The following CEP83 variants were observed in gnomAD, a reference collection of about 807,000 sequenced individuals.
CEP83 encodes centrosomal protein 83.
CEP83 carries 70 observed loss-of-function variants against 101.9 expected under a neutral mutation model. The observed-to-expected ratio is 0.69, with a 90% CI of 0.57 to 0.84. The LOEUF is 0.84. Ranked by LOEUF, CEP83 falls within the 40% of genes least tolerant of loss-of-function variation. The pLI is 0.00. For synonymous variants in CEP83, 264 were observed against 267.9 expected, an observed-to-expected ratio of 0.99 and a Z score of 0.14; for missense variants, 715 against 787.2, an observed-to-expected ratio of 0.91 and a Z score of 1.10.
intron 2 of CEP83, among the ~76,000 whole-genome samples, chr12:94,432,939 G>C (rs1045316816): frequency 6.6e-6 from 1 of 152,154 alleles, no homozygotes; most frequent in Admixed American, 6.5e-5. Flanking sequence ...TAGTATGAAT[G>C]GACAAGGGAG....
chr12:94,429,801 G>C (rs921914132), intron 2 of CEP83, among the ~76,000 whole-genome samples: 1 of 152,164 alleles, frequency 6.6e-6, no homozygotes, highest in Non-Finnish European at 1.5e-5. Flanking sequence ...TAAAATGTGA[G>C]TGAAACACAG....
At chr12:94,302,745 G>GTCAAC (rs1290262862), downstream of CEP83, among the ~76,000 whole-genome samples, 1 of 152,108 alleles carries the variant, frequency 6.6e-6, no homozygotes, top group Non-Finnish European at 1.5e-5. Context: ...AACTCTTTCT[G>GTCAAC]TCAACTACTG....
intron 1 of CEP83, among the ~76,000 whole-genome samples, chr12:94,442,647 CTT>C (rs1270171993): frequency 1.3e-5 from 2 of 152,084 alleles, no homozygotes. Context: ...GATAATCTGT[CTT>C]TTGTTATAGG....
rs565777816 is a variant in CEP83, at chr12:94,331,063, G to A, written c.1707+637C>T. The stretch of plus-strand genomic sequence containing the variant: ...TCCCAGCACTTTGGGAGGCTGAGGT[G>A]GGAGGATCACTTGAGGTCAGGAGTT... On this transcript the variant is annotated intron_variant, in intron 14 of 16. Transcript: ENST00000397809. Among the ~76,000 whole-genome samples, 283 of 152,132 alleles carry A rather than the reference G, an allele frequency of 1.9e-3. 1 individual carries two copies. The highest frequency in any genetic ancestry group is 6.8e-3 in the Middle Eastern group (2 of 294).
chr12:94,417,098 G>T lies in CEP83; in HGVS notation c.-101-4507C>A, dbSNP rs113660361. Among the ~76,000 whole-genome samples, 623 of 152,256 alleles carry T rather than the reference G, an allele frequency of 4.1e-3. 6 individuals carry two copies. Among genetic ancestry groups the T allele is most frequent in the African/African-American group, 0.013 (531 of 41,540 alleles). On this transcript the variant is annotated intron_variant, in intron 2 of 16. Coordinates refer to ENST00000397809, the MANE Select transcript of CEP83 (RefSeq NM_016122.3). ...AGAAAGTGAGGTGGGAGGATTGGTT[G>T]AGACCAGGAGTTCGAGACCAGCCTG...
At chr12:94,303,798 A>G (rs1200677380), downstream of CEP83, 1 of 1,608,644 alleles carries the variant, frequency 6.2e-7, no homozygotes. Context: ...GGATATCCCA[A>G]CCTACAAAGA....
intron 6 of CEP83, among the ~76,000 whole-genome samples, chr12:94,394,413 G>A (rs1229822041): frequency 3.9e-5 from 6 of 152,166 alleles, no homozygotes; most frequent in Non-Finnish European, 7.4e-5. Flanking sequence ...GGGAAAACTG[G>A]CTAGCCATAT....
intron 11 of CEP83, among the ~76,000 whole-genome samples, chr12:94,365,765 G>A (rs1463611121): frequency 4.2e-5 from 5 of 117,666 alleles, no homozygotes; most frequent in African/African-American, 1.6e-4. Context: ...GCAAGACTGT[G>A]TTTGAAAAAA....
At chr12:94,424,771 G>A in intron 2 of CEP83, 1 of 1,611,440 alleles carries the variant, frequency 6.2e-7, no homozygotes, top group East Asian at 2.2e-5. Flanking sequence ...GGTCAGTAGT[G>A]CCTGGTTGCA....
chr12:94,317,776 G>A (rs1263497939), intron 14 of CEP83, among the ~76,000 whole-genome samples: 4 of 152,022 alleles, frequency 2.6e-5, no homozygotes, highest in Non-Finnish European at 5.9e-5. Flanking sequence ...TGATTTATGT[G>A]TTTGTTTTTG....
intron 15 of CEP83, chr12:94,312,444 C>T (rs914639821): frequency 3.0e-6 from 1 of 335,990 alleles, no homozygotes; most frequent in Non-Finnish European, 4.2e-6. Flanking sequence ...CCACTACCAA[C>T]AACTTAATAT....
chr12:94,283,192 C>T, the CEP83 span, among the ~76,000 whole-genome samples: 156 of 152,246 alleles, frequency 1.0e-3, no homozygotes, highest in African/African-American at 3.4e-3. Flanking sequence ...CAACACCTTG[C>T]GTGTAGTAGT....
At chr12:94,377,324 C>G (rs2061603862) in intron 7 of CEP83, among the ~76,000 whole-genome samples, 1 of 152,114 alleles carries the variant, frequency 6.6e-6, no homozygotes, top group Non-Finnish European at 1.5e-5. Context: ...GGAACTGTGG[C>G]TCAGTGCAGC....
At chr12:94,269,192 C>T in the CEP83 span, among the ~76,000 whole-genome samples, 1 of 152,200 alleles carries the variant, frequency 6.6e-6, no homozygotes. Context: ...AGAAAACGAG[C>T]TTGCCAATCT....
At chr12:94,313,216 T>A (rs1257857385) in intron 14 of CEP83, 199 bp from the exon 15 acceptor site, 2 of 328,742 alleles carry the variant, frequency 6.1e-6, no homozygotes, top group Non-Finnish European at 1.1e-5. Flanking sequence ...ATATTCTCAA[T>A]GTGACAATTA....
At chr12:94,427,510 C>G (rs1365052273) in intron 2 of CEP83, among the ~76,000 whole-genome samples, 1 of 152,194 alleles carries the variant, frequency 6.6e-6, no homozygotes, top group Admixed American at 6.5e-5. Flanking sequence ...CCCAGCTTTA[C>G]AGACCTCCAT....
the CEP83 span, chr12:94,298,544 C>G: frequency 9.2e-7 from 1 of 1,082,262 alleles, no homozygotes; most frequent in Non-Finnish European, 1.3e-6. Flanking sequence ...ATTATTTTCT[C>G]TGAATGTGGA....
At chr12:94,426,626 T>G (rs2065220482) in intron 2 of CEP83, among the ~76,000 whole-genome samples, 1 of 152,170 alleles carries the variant, frequency 6.6e-6, no homozygotes, top group African/African-American at 2.4e-5. Context: ...CCTCAAAATA[T>G]GTCATTTCCT....
the CEP83 span, chr12:94,298,776 C>T: frequency 6.2e-7 from 1 of 1,610,684 alleles, no homozygotes; most frequent in Non-Finnish European, 8.5e-7. Context: ...TGACGTCGTA[C>T]ATATTTGGAA....
Sources: allele counts gnomAD v4.1 joint callset (sites outside exome capture counted in the v4.1 genomes callset), GRCh38; gene constraint gnomAD v4.1.1; transcripts MANE v1.5; gene names NCBI Gene and HGNC (gene_info 2026-07-23, HGNC 2026-07-21).